SOX5: variants seen among roughly 807,000 people sequenced by gnomAD.
SOX5 encodes the protein SRY-box transcription factor 5.
SOX5 carries 9 observed loss-of-function variants against 92.0 expected under a neutral mutation model. The ratio of observed to expected loss-of-function variants is 0.10; its 90% CI spans 0.06 to 0.17. The LOEUF is 0.17. Ranked by LOEUF, SOX5 falls within the 10% of genes least tolerant of loss-of-function variation. The probability of loss-of-function intolerance (pLI) is 1.00; values close to 1 mark genes in which losing one functional copy is unlikely to be tolerated. For missense variants in SOX5, 642 were observed against 944.5 expected (o/e 0.68, Z 4.20); for synonymous variants, 344 against 336.3 (o/e 1.02, Z -0.25).
chr12:23,536,391 C>T, intron 14 of SOX5, 62 bp downstream of exon 14: 6 of 1,263,678 alleles, frequency 4.7e-6, no homozygotes, highest in Non-Finnish European at 5.8e-6. Context: ...AAATATGTTT[C>T]ACATCCCATT....
intron 8 of SOX5, among the ~76,000 whole-genome samples, chr12:23,628,331 G>A (rs894121405): frequency 6.6e-5 from 10 of 151,926 alleles, no homozygotes; most frequent in East Asian, 3.8e-4. Flanking sequence ...GTGAAATTTC[G>A]GATGGAATTG....
rs73291654 is a variant in SOX5, at chr12:24,515,494, C to A, written c.-251+46835G>T. On this transcript the variant is annotated intron_variant, in intron 1 of 4. Coordinates refer to the SOX5 transcript ENST00000446891. The stretch of plus-strand genomic sequence containing the variant: ...GAAGATGGCTGAATAAGGAATCAGG[C>A]AATTCTACCATAGCGTTTTCTCACA... Among the ~76,000 whole-genome samples the A allele has an allele frequency of 1.9e-3, 284 of 152,238 alleles. 1 individual carries two copies. The highest frequency in any genetic ancestry group is 6.6e-3 in the African/African-American group (273 of 41,532).
intron 1 of SOX5, among the ~76,000 whole-genome samples, chr12:24,409,221 A>G (rs1963602680): frequency 6.6e-6 from 1 of 152,228 alleles, no homozygotes; most frequent in Non-Finnish European, 1.5e-5. Context: ...AAACTAACAC[A>G]GGAACAGAAA....
chr12:24,357,680 TA>T (rs1204084299), intron 2 of SOX5, among the ~76,000 whole-genome samples: 34 of 152,066 alleles, frequency 2.2e-4, no homozygotes, highest in Non-Finnish European at 1.5e-5. Context: ...CCATTTCTAC[TA>T]AAACACAAAA....
At chr12:23,696,369 G>A (rs2089864306) in intron 6 of SOX5, among the ~76,000 whole-genome samples, 1 of 151,996 alleles carries the variant, frequency 6.6e-6, no homozygotes, top group Non-Finnish European at 1.5e-5. Context: ...CTTTCAGAGG[G>A]TTATCTGTTA....
intron 1 of SOX5, among the ~76,000 whole-genome samples, chr12:24,545,520 G>A (rs986344298): frequency 2.6e-5 from 4 of 151,844 alleles, no homozygotes; most frequent in South Asian, 2.1e-4. Flanking sequence ...AAAAAAAATC[G>A]ACAGATTTTC....
At chr12:24,436,153 A>C (rs1939387925) in intron 1 of SOX5, among the ~76,000 whole-genome samples, 1 of 152,172 alleles carries the variant, frequency 6.6e-6, no homozygotes, top group South Asian at 2.1e-4. Flanking sequence ...AATGGCTTCT[A>C]AGTGTTCAAG....
intron 1 of SOX5, among the ~76,000 whole-genome samples, chr12:23,922,954 T>TG (rs1938792850): frequency 6.6e-6 from 1 of 151,836 alleles, no homozygotes; most frequent in Non-Finnish European, 1.5e-5. Context: ...TTTTTTTTTT[T>TG]TTTGTTTTTG....
chr12:24,469,690 G>A (rs1280189706), intron 1 of SOX5, among the ~76,000 whole-genome samples: 1 of 152,144 alleles, frequency 6.6e-6, no homozygotes, highest in Non-Finnish European at 1.5e-5. Flanking sequence ...AAGAAATCTG[G>A]TTTTATTTTG....
intron 1 of SOX5, among the ~76,000 whole-genome samples, chr12:24,485,546 G>C (rs953593797): frequency 2.6e-5 from 4 of 151,952 alleles, no homozygotes; most frequent in African/African-American, 7.3e-5. Context: ...CTCTGTAACT[G>C]GTTTTCTTTT....
Position 24,133,372 on chromosome 12 carries a change from G to A in SOX5, c.-2+79971C>T, listed in dbSNP as rs191368308. ...CTTACCTAGTTGTCAAAATAACCTG[G>A]AACATCCTCTACATTTAAGAAAGAT... On this transcript the variant is annotated intron_variant, in intron 4 of 4. Coordinates refer to the SOX5 transcript ENST00000446891. 7.2e-5 allele frequency among the ~76,000 whole-genome samples: 11 copies of A among 152,300 alleles called. No homozygotes were observed. In the East Asian group the frequency reaches 2.1e-3, roughly 29 times the overall value.
At chr12:24,156,805 A>T (rs1952221705) in intron 4 of SOX5, among the ~76,000 whole-genome samples, 1 of 152,182 alleles carries the variant, frequency 6.6e-6, no homozygotes, top group Admixed American at 6.6e-5. Context: ...TATTCTTTCT[A>T]CAGCATTAAA....
At chr12:24,197,104 ATAAC>A (rs531826408) in intron 4 of SOX5, among the ~76,000 whole-genome samples, 138 of 152,326 alleles carry the variant, frequency 9.1e-4, no homozygotes, top group African/African-American at 3.2e-3. Context: ...TTCTATCCTC[ATAAC>A]TAACTGTTTG....
chr12:24,415,108 A>C (rs1327866283), intron 1 of SOX5, among the ~76,000 whole-genome samples: 1 of 152,210 alleles, frequency 6.6e-6, no homozygotes, highest in Non-Finnish European at 1.5e-5. Flanking sequence ...CCCCCTGCTA[A>C]TTTAGAAAAG....
intron 4 of SOX5, among the ~76,000 whole-genome samples, chr12:23,968,125 G>C (rs183759109): frequency 9.8e-4 from 150 of 152,286 alleles, no homozygotes; most frequent in Admixed American, 3.5e-3. Context: ...GACTCTACTA[G>C]TGTTCCTAGT....
intron 2 of SOX5, among the ~76,000 whole-genome samples, chr12:24,340,511 A>G (rs2141063671): frequency 6.6e-6 from 1 of 152,354 alleles, no homozygotes; most frequent in Non-Finnish European, 1.5e-5. Context: ...TCTGGGAGCT[A>G]AAGCTGTTGA....
intron 1 of SOX5, among the ~76,000 whole-genome samples, chr12:24,404,891 G>A (rs191705117): frequency 6.6e-6 from 1 of 152,172 alleles, no homozygotes; most frequent in East Asian, 1.9e-4. Context: ...TCATTCTTGT[G>A]GGCCTTAATC....
chr12:23,849,894 T>C (rs1390592022), intron 2 of SOX5, among the ~76,000 whole-genome samples: 2 of 152,206 alleles, frequency 1.3e-5, no homozygotes, highest in Non-Finnish European at 2.9e-5. Flanking sequence ...ACTATCTTTA[T>C]AAAATTTGTG....
intron 3 of SOX5, among the ~76,000 whole-genome samples, chr12:23,827,418 G>T (rs781456242): frequency 2.6e-5 from 4 of 152,162 alleles, no homozygotes; most frequent in African/African-American, 2.4e-5. Context: ...TTCAAGAAAA[G>T]TTCCTTACCC....
Sources: gnomAD v4.1 joint callset for allele counts (sites outside exome capture counted in the v4.1 genomes callset) on GRCh38, gnomAD v4.1.1 for gene constraint, MANE v1.5 for transcripts, NCBI Gene and HGNC (gene_info 2026-07-23, HGNC 2026-07-21) for gene names.